Variants in ENPP6 observed in about 807,000 individuals in gnomAD.
ENPP6 encodes the protein glycerophosphocholine cholinephosphodiesterase ENPP6.
Under a neutral mutation model 42.0 loss-of-function variants are expected in ENPP6, and 32 were observed. The observed-to-expected ratio is 0.76, with a 90% confidence interval of 0.58 to 1.02. The LOEUF (loss-of-function observed/expected upper bound fraction) is 1.02. Ranked by LOEUF, ENPP6 falls within the 50% of genes least tolerant of loss-of-function variation. The pLI is 0.00. For missense variants in ENPP6, 552 were observed against 566.8 expected (o/e 0.97, Z 0.27); for synonymous variants, 213 against 216.0 (o/e 0.99, Z 0.12).
intron 2 of ENPP6, among the ~76,000 whole-genome samples, chr4:184,148,165 G>A (rs757726042): frequency 5.9e-5 from 9 of 152,128 alleles, no homozygotes; most frequent in Admixed American, 2.0e-4. Flanking sequence ...GTAAGTTCTC[G>A]GGAGGGGGTG....
Position 184,161,146 on chromosome 4 carries a change from C to T in ENPP6, c.242-7413G>A, listed in dbSNP as rs554103263. ...GAGAAAATCTTCTCAATCTATACAT[C>T]CAACAAAGGACTGATGACCAGAATC... On this transcript the variant is annotated intron_variant, in intron 1 of 7. Coordinates refer to ENST00000296741, the MANE Select transcript of ENPP6 (RefSeq NM_153343.4). Among the ~76,000 whole-genome samples the T allele has an allele frequency of 3.3e-5, 5 of 152,164 alleles. No homozygotes were observed. In the South Asian group the frequency reaches 1.0e-3, roughly 32 times the overall value.
intron 1 of ENPP6, among the ~76,000 whole-genome samples, chr4:184,169,055 G>A (rs2111090644): frequency 6.6e-6 from 1 of 152,238 alleles, no homozygotes; most frequent in East Asian, 1.9e-4. Context: ...TTGAGTTTAT[G>A]ATTTTTTTAA....
At chr4:184,144,539 G>C (rs80297273) in intron 2 of ENPP6, among the ~76,000 whole-genome samples, 1 of 152,190 alleles carries the variant, frequency 6.6e-6, no homozygotes, top group Non-Finnish European at 1.5e-5. Context: ...TCTCTGGAGA[G>C]ACCCCTCTTT....
intron 2 of ENPP6, among the ~76,000 whole-genome samples, chr4:184,131,201 CT>C (rs376993212): frequency 7.1e-4 from 50 of 70,666 alleles, no homozygotes; most frequent in Admixed American, 4.3e-3. Flanking sequence ...TTCTTTCTTT[CT>C]TCTTTCTTTC....
intron 2 of ENPP6, among the ~76,000 whole-genome samples, chr4:184,144,784 C>T (rs1228331719): frequency 2.6e-5 from 4 of 152,238 alleles, no homozygotes; most frequent in Non-Finnish European, 5.9e-5. Flanking sequence ...CAGAGAGAGG[C>T]CTCAGGATGT....
chr4:184,177,782 G>A (rs893384400), intron 1 of ENPP6, among the ~76,000 whole-genome samples: 1 of 152,156 alleles, frequency 6.6e-6, no homozygotes, highest in Non-Finnish European at 1.5e-5. Flanking sequence ...TACAGAAGAG[G>A]GGCCTGACTG....
chr4:184,142,323 T>C (rs1427672614), intron 2 of ENPP6, among the ~76,000 whole-genome samples: 1 of 152,240 alleles, frequency 6.6e-6, no homozygotes, highest in Non-Finnish European at 1.5e-5. Flanking sequence ...TGTGCAACTG[T>C]TGAATGCATG....
At chr4:184,147,544 G>A (rs1196756740) in intron 2 of ENPP6, among the ~76,000 whole-genome samples, 1 of 152,178 alleles carries the variant, frequency 6.6e-6, no homozygotes, top group Non-Finnish European at 1.5e-5. Flanking sequence ...TCTTTGGGAG[G>A]TTGAGGTAAG....
At chr4:184,206,853 A>G (rs1213457298) in intron 1 of ENPP6, among the ~76,000 whole-genome samples, 1 of 152,200 alleles carries the variant, frequency 6.6e-6, no homozygotes, top group East Asian at 1.9e-4. Flanking sequence ...GAGGAGCACG[A>G]TGATTCGGTC....
At chr4:184,208,961 C>A (rs1337074967) in intron 1 of ENPP6, among the ~76,000 whole-genome samples, 2 of 143,176 alleles carry the variant, frequency 1.4e-5, no homozygotes, top group South Asian at 4.5e-4. Flanking sequence ...GGGAGGCACC[C>A]CCCAGCAGGA....
chr4:184,206,055 AAG>A (rs1240261534), intron 1 of ENPP6, among the ~76,000 whole-genome samples: 5 of 151,982 alleles, frequency 3.3e-5, no homozygotes, highest in Non-Finnish European at 7.4e-5. Flanking sequence ...GGAAGACAGG[AAG>A]AGGGCATGCC....
chr4:184,155,129 G>C (rs890780613), intron 1 of ENPP6, among the ~76,000 whole-genome samples: 1 of 152,102 alleles, frequency 6.6e-6, no homozygotes, highest in Non-Finnish European at 1.5e-5. Context: ...GATGACCCTC[G>C]CTCACCCTGT....
chr4:184,098,306 C>T (rs535980345), intron 6 of ENPP6, among the ~76,000 whole-genome samples: 1 of 152,300 alleles, frequency 6.6e-6, no homozygotes, highest in South Asian at 2.1e-4. Flanking sequence ...ACCTGTGAGG[C>T]CCACTCTAAC....
At chr4:184,211,145 A>G (rs1173016076) in intron 1 of ENPP6, among the ~76,000 whole-genome samples, 1 of 151,070 alleles carries the variant, frequency 6.6e-6, no homozygotes, top group Admixed American at 6.6e-5. Context: ...GGAAAGATCC[A>G]AAATTGACAC....
intron 2 of ENPP6, among the ~76,000 whole-genome samples, chr4:184,128,801 C>T (rs1736547101): frequency 6.6e-6 from 1 of 152,130 alleles, no homozygotes; most frequent in South Asian, 2.1e-4. Context: ...TCGAATATAA[C>T]TGTTGAAAAA....
At position 184,104,662 on chromosome 4, in the gene ENPP6, GA is replaced by G. The variant is rs1736057418; in HGVS notation, c.994-7295del. On this transcript the variant is annotated intron_variant, in intron 6 of 7. Coordinates refer to ENST00000296741, the MANE Select transcript of ENPP6 (RefSeq NM_153343.4). The stretch of plus-strand genomic sequence containing the variant: ...GGGCTACTAATAATTAACCAAGCTT[GA>G]AAGCCTGACTTCGCTTTCTTCTCTG... Among the ~76,000 whole-genome samples, 4 of 152,318 alleles carry G rather than the reference GA, an allele frequency of 2.6e-5. No homozygotes were observed. In the South Asian group the frequency reaches 8.3e-4, roughly 32 times the overall value.
chr4:184,208,898 C>T (rs1733055353), intron 1 of ENPP6, among the ~76,000 whole-genome samples: 2 of 144,034 alleles, frequency 1.4e-5, no homozygotes, highest in Non-Finnish European at 3.1e-5. Flanking sequence ...TGAGAACGGG[C>T]AGACTGCCTC....
chr4:184,193,185 A>G (rs1416110905), intron 1 of ENPP6, among the ~76,000 whole-genome samples: 2 of 152,252 alleles, frequency 1.3e-5, no homozygotes, highest in Non-Finnish European at 2.9e-5. Context: ...GCTTGTGCAC[A>G]AATGTTCACA....
intron 1 of ENPP6, among the ~76,000 whole-genome samples, chr4:184,203,742 A>G (rs1732942694): frequency 1.3e-5 from 2 of 152,206 alleles, no homozygotes; most frequent in African/African-American, 4.8e-5. Context: ...TGGGAATCCA[A>G]ATTTGCTATA....
Sources: allele counts gnomAD v4.1 joint callset (sites outside exome capture counted in the v4.1 genomes callset), GRCh38; gene constraint gnomAD v4.1.1; transcripts MANE v1.5; gene names NCBI Gene and HGNC (gene_info 2026-07-23, HGNC 2026-07-21).